S100A4: variants seen among roughly 807,000 people sequenced by gnomAD.
The protein encoded by S100A4 is protein S100-A4.
In S100A4, 4 loss-of-function variants were observed where a neutral mutation model predicts 6.3. The observed-to-expected ratio is 0.64, with a 90% confidence interval of 0.31 to 1.46. The LOEUF is 1.46. S100A4 is among the 40% of genes most tolerant of loss of function. The pLI, the probability that S100A4 is intolerant of heterozygous loss-of-function variation, is 0.07. For missense variants in S100A4, 108 were observed against 120.8 expected (o/e 0.89, Z 0.50); for synonymous variants, 44 against 47.6 (o/e 0.92, Z 0.32).
At chr1:153,544,405 T>C (rs1665490341) in intron 2 of S100A4, among the ~76,000 whole-genome samples, 1 of 152,210 alleles carries the variant, frequency 6.6e-6, no homozygotes, top group African/African-American at 2.4e-5. Context: ...GGGAAGTTAC[T>C]TAGCACTCTG....
intron 1 of S100A4, chr1:153,545,506 A>G (rs749139462): frequency 3.9e-5 from 6 of 152,538 alleles, no homozygotes; most frequent in Admixed American, 6.5e-5. Context: ...GCAAGCCCAC[A>G]TCTCAGAAGC....
chr1:153,544,013 A>C, intron 2 of S100A4, 90 bp from the exon 3 acceptor site: 1 of 1,433,614 alleles, frequency 7.0e-7, no homozygotes, highest in Non-Finnish European at 9.6e-7. Context: ...ACCAGAGTTC[A>C]GGGAGGCTCC....
chr1:153,544,995 C>G (rs1464400831), intron 1 of S100A4, 186 bp from the exon 2 acceptor site: 5 of 626,022 alleles, frequency 8.0e-6, no homozygotes, highest in Non-Finnish European at 1.3e-5. Flanking sequence ...AACACATGCT[C>G]TGGGCAGTGA....
At chr1:153,543,980 C>G in intron 2 of S100A4, 57 bp from the exon 3 acceptor site, 2 of 1,589,422 alleles carry the variant, frequency 1.3e-6, no homozygotes, top group Non-Finnish European at 1.7e-6. Context: ...GGAGCCAGGA[C>G]CAGACCCAGT....
intron 1 of S100A4, chr1:153,545,029 A>G: frequency 1.9e-6 from 1 of 515,964 alleles, no homozygotes; most frequent in Non-Finnish European, 3.4e-6. Flanking sequence ...CCGCTGCGCA[A>G]GCTCTGGAGA....
rs778458547 is a variant in S100A4 at position 153,544,705 on chromosome 1, G to A, written c.90C>T (p.Asn30=). ...SGKEGDKFKL[N]KSELKELLTR... is the part of the protein sequence containing the mutation. ...TCAGCAGCTCCTTTAGTTCTGACTT[G>A]TTGAGCTTGAACTTGTCACCCTCTT... The change falls in exon 2 of 3, where the codon AAC becomes AAT. Residue 30 remains asparagine (N), a synonymous_variant. Coordinates refer to ENST00000368716, the MANE Select transcript of S100A4 (RefSeq NM_002961.3). 16 of 1,614,252 alleles carry A rather than the reference G, an allele frequency of 9.9e-6. No homozygotes were observed. Among genetic ancestry groups the A allele is most frequent in the Non-Finnish European group, 1.4e-5 (16 of 1,180,036 alleles).
At chr1:153,544,509 G>C in intron 2 of S100A4, 145 bp downstream of exon 2, 1 of 1,008,494 alleles carries the variant, frequency 9.9e-7, no homozygotes, top group Non-Finnish European at 1.5e-6. Flanking sequence ...GCCAGGCAGT[G>C]AGTGGTGGTG....
chr1:153,543,851 A>C lies in S100A4; in HGVS notation c.214T>G (p.Phe72Val), dbSNP rs148291612. 266 of 1,614,088 alleles carry C rather than the reference A, an allele frequency of 1.6e-4. 1 individual carries two copies. Among genetic ancestry groups the C allele is most frequent in the Non-Finnish European group, 2.2e-4 (257 of 1,180,036 alleles). The stretch of plus-strand genomic sequence containing the variant: ...GACAGGAAGACACAGTACTCTTGGA[A>C]GTCCACCTCGTTGTCCCTGTTGCTG... Reference protein sequence around the residue: ...LDSNRDNEVDFQEYCVFLSCI... With the variant: ...LDSNRDNEVDVQEYCVFLSCI... The change falls in exon 3 of 3, where the codon TTC (phenylalanine) becomes GTC (valine). Residue 72 changes from phenylalanine (F) to valine (V), a missense_variant. By Grantham distance (50) the Phe-to-Val change is conservative (BLOSUM62 -1). Coordinates refer to ENST00000368716, the MANE Select transcript of S100A4 (RefSeq NM_002961.3).
In S100A4 at chr1:153,545,735, C is replaced by G. The variant is rs1665543583; in HGVS notation, c.-16+18G>C. The stretch of plus-strand genomic sequence containing the variant: ...CCTCTGACACCCCTTGCATGCCAGT[C>G]AGGCCAACACAACTCACCAAACCAA... On this transcript the variant is annotated intron_variant, in intron 1 of 2. Transcript: ENST00000368716. 1 of 153,130 alleles carries G rather than the reference C, an allele frequency of 6.5e-6. No homozygotes were observed. The highest frequency in any genetic ancestry group is 2.1e-4 in the South Asian group (1 of 4,858). 9.5% of individuals were successfully genotyped at this position (153,130 alleles called of 1,614,324 possible). A position where few individuals can be genotyped will look rare whatever the true frequency, so the allele number is the denominator to read the frequency against.
chr1:153,544,016 G>A, intron 2 of S100A4, 93 bp from the exon 3 acceptor site: 1 of 1,440,812 alleles, frequency 6.9e-7, no homozygotes, highest in Non-Finnish European at 9.5e-7. Flanking sequence ...AGAGTTCAGG[G>A]AGGCTCCTTT....
At chr1:153,544,364 C>T (rs961380234) in intron 2 of S100A4, among the ~76,000 whole-genome samples, 1 of 152,206 alleles carries the variant, frequency 6.6e-6, no homozygotes, top group Admixed American at 6.5e-5. Flanking sequence ...CAGTCCCGGT[C>T]CGGATGGCAG....
At chr1:153,544,039 T>C in intron 2 of S100A4, 116 bp from the exon 3 acceptor site, 2 of 1,118,240 alleles carry the variant, frequency 1.8e-6, no homozygotes, top group Non-Finnish European at 2.6e-6. Flanking sequence ...GAGGTCCAGT[T>C]TGGAACTCCA....
chr1:153,544,044 A>C, intron 2 of S100A4, 121 bp from the exon 3 acceptor site: 1 of 1,032,034 alleles, frequency 9.7e-7, no homozygotes, highest in Non-Finnish European at 1.4e-6. Flanking sequence ...CCAGTTTGGA[A>C]CTCCAACCCT....
chr1:153,545,045 G>C, intron 1 of S100A4: 1 of 474,032 alleles, frequency 2.1e-6, no homozygotes, highest in Non-Finnish European at 3.8e-6. Context: ...GGAGATTCGG[G>C]CAGCAAACTC....
At chr1:153,544,915 C>A in intron 1 of S100A4, 106 bp from the exon 2 acceptor site, 1 of 1,433,432 alleles carries the variant, frequency 7.0e-7, no homozygotes, top group Non-Finnish European at 9.5e-7. Flanking sequence ...TGGCGAGACT[C>A]TGCTCCCTCC....
intron 2 of S100A4, among the ~76,000 whole-genome samples, chr1:153,544,423 T>A (rs1665490829): frequency 6.6e-6 from 1 of 152,204 alleles, no homozygotes; most frequent in Admixed American, 6.5e-5. Flanking sequence ...CTGAGCTTAG[T>A]CTTCCCTTCA....
chr1:153,544,773 C>T lies in S100A4; in HGVS notation c.22G>A (p.Ala8Thr). 1 of 1,614,196 alleles carries T rather than the reference C, an allele frequency of 6.2e-7. No individual in the cohort carries two copies. The highest frequency in any genetic ancestry group is 8.5e-7 in the Non-Finnish European group (1 of 1,180,022). ...AAGGTGGACACCATCACATCCAGGG[C>T]CTTCTCCAGAGGGCACGCCATGACA... MACPLEK[A>T]LDVMVSTFHK... The change falls in exon 2 of 3, where the codon GCC becomes ACC. Residue 8 changes from alanine to threonine, a missense_variant. Coordinates refer to ENST00000368716, the MANE Select transcript of S100A4 (RefSeq NM_002961.3).
chr1:153,545,311 C>T (rs969420278), intron 1 of S100A4, among the ~76,000 whole-genome samples: 2 of 152,226 alleles, frequency 1.3e-5, no homozygotes, highest in Admixed American at 1.3e-4. Flanking sequence ...AGGCCATGCA[C>T]CTTCTCGAGC....
Position 153,544,724 on chromosome 1 carries a change from C to A in S100A4, c.71G>T (p.Gly24Val). The A allele has an allele frequency of 6.2e-7, 1 of 1,614,258 alleles. No individual in the cohort carries two copies. The highest frequency in any genetic ancestry group is 8.5e-7 in the Non-Finnish European group (1 of 1,180,042). Reference sequence around the variant, plus strand: ...TGACTTGTTGAGCTTGAACTTGTCACCCTCTTTGCCCGAGTACTTGTGGAA... The same window carrying A: ...TGACTTGTTGAGCTTGAACTTGTCAACCTCTTTGCCCGAGTACTTGTGGAA... Reference protein sequence around the residue: ...STFHKYSGKEGDKFKLNKSEL... With the variant: ...STFHKYSGKEVDKFKLNKSEL... Residue 24 changes from glycine to valine, a missense_variant, in exon 2 of 3, where the codon GGT becomes GTT. By Grantham distance (109) the Gly-to-Val change is moderately radical. Transcript: ENST00000368716.
Sources: allele counts gnomAD v4.1 joint callset (sites outside exome capture counted in the v4.1 genomes callset), GRCh38; gene constraint gnomAD v4.1.1; transcripts MANE v1.5; gene names NCBI Gene and HGNC (gene_info 2026-07-23, HGNC 2026-07-21).